Variants in FYCO1 observed in about 807,000 individuals in gnomAD.
The protein encoded by FYCO1 is FYVE and coiled-coil domain-containing protein 1.
A neutral mutation model predicts 165.1 loss-of-function variants in FYCO1; 122 were observed. The observed-to-expected ratio is 0.74, with a 90% confidence interval of 0.64 to 0.86. The LOEUF (loss-of-function observed/expected upper bound fraction) is 0.86. FYCO1 is among the 40% of genes least tolerant of loss of function. The pLI is 0.00. For missense variants in FYCO1, 1,702 were observed against 1,810.3 expected (o/e 0.94, Z 1.09); for synonymous variants, 648 against 742.5 (o/e 0.87, Z 2.07).
At chr3:45,977,541 A>AT (rs1203352838) in intron 4 of FYCO1, among the ~76,000 whole-genome samples, 1 of 151,098 alleles carries the variant, frequency 6.6e-6, no homozygotes. Context: ...TAATTCCTTA[A>AT]TTTTTTTTAG....
At chr3:45,981,538 G>T in intron 3 of FYCO1, 32 bp downstream of exon 3, 3 of 1,324,312 alleles carry the variant, frequency 2.3e-6, no homozygotes, top group Non-Finnish European at 3.3e-6. Context: ...AGATACCAGT[G>T]CAAAAATCAA....
At chr3:45,981,453 A>C in intron 3 of FYCO1, 117 bp downstream of exon 3, 1 of 726,646 alleles carries the variant, frequency 1.4e-6, no homozygotes, top group Non-Finnish European at 2.5e-6. Flanking sequence ...CAATCTAACC[A>C]CGAGGGCTTA....
chr3:45,993,149 C>G lies in FYCO1; in HGVS notation c.-113+2573G>C, dbSNP rs544850631. ...AGAACCACACTGATGTACACATCCT[C>G]CAAATGGCATCCGGCCTAATGAGAA... On this transcript the variant is annotated intron_variant, in intron 1 of 17. Coordinates refer to ENST00000296137, the MANE Select transcript of FYCO1 (RefSeq NM_024513.4). The surrounding 1 kb of genome is among the most constrained non-coding windows in gnomAD (Gnocchi z 4.4). 1.1e-3 allele frequency among the ~76,000 whole-genome samples: 168 copies of G among 152,272 alleles called. No homozygotes were observed. Among genetic ancestry groups the G allele is most frequent in the Middle Eastern group, 3.4e-3 (1 of 294 alleles).
At chr3:45,982,074 T>C (rs962950929) in intron 2 of FYCO1, among the ~76,000 whole-genome samples, 2 of 152,220 alleles carry the variant, frequency 1.3e-5, no homozygotes, top group African/African-American at 4.8e-5. Context: ...CTACTGCTCA[T>C]TATAGGTAAG....
chr3:45,936,492 C>T lies in FYCO1; in HGVS notation c.3996G>A (p.Val1332=), dbSNP rs1455378359. Residue 1332 remains valine (V), a synonymous_variant, in exon 15 of 18, where the codon GTG becomes GTA. Transcript: ENST00000296137. The part of the protein sequence containing the change: ...LTPEDTEDMP[V]GQDSEICLLK... ...GCAGGCAGATTTCCGAATCCTGCCC[C>T]ACGGGCATGTCTTCAGTGTCCTCAG... is the stretch of plus-strand genomic sequence containing the variant. 2.5e-6 allele frequency: 4 copies of T among 1,614,070 alleles called. No individual in the cohort carries two copies. The highest frequency in any genetic ancestry group is 3.4e-6 in the Non-Finnish European group (4 of 1,179,918).
chr3:45,967,942 C>A lies in FYCO1; in HGVS notation c.1392G>T (p.Gln464His), dbSNP rs1706187821. ...GCCGTCGCCAGAGCTGGTCTGCCTC[C>A]TGTCCCTTCCCAGACAACTCCTCCT... ...PLQEELSGKG[Q>H]EADQLWRRLQ... The change falls in exon 8 of 18, where the codon CAG (glutamine) becomes CAT (histidine). Residue 464 changes from glutamine (Q) to histidine (H), a missense_variant. Transcript: ENST00000296137. 1 of 1,614,168 alleles carries A rather than the reference C, an allele frequency of 6.2e-7. No individual in the cohort carries two copies. Among genetic ancestry groups the A allele is most frequent in the Non-Finnish European group, 8.5e-7 (1 of 1,180,028 alleles).
In FYCO1 at chr3:45,967,870, T is replaced by A. The variant is rs886058569; in HGVS notation, c.1464A>T (p.Ala488=). The A allele has an allele frequency of 6.2e-7, 1 of 1,614,142 alleles. No individual in the cohort carries two copies. The highest frequency in any genetic ancestry group is 8.5e-7 in the Non-Finnish European group (1 of 1,180,024). The change falls in exon 8 of 18, where the codon GCA becomes GCT. Residue 488 remains alanine, a synonymous_variant. Coordinates refer to ENST00000296137, the MANE Select transcript of FYCO1 (RefSeq NM_024513.4). ...GCTGTTTTTTCTCCCGCCTCAACTC[T>A]GCTAGCTCCTCCTCCCAGGAGCTCG... ...AHTSSWEEEL[A]ELRREKKQQQ...
chr3:45,964,366 T>C lies in FYCO1; in HGVS notation c.3239A>G (p.Glu1080Gly). The C allele has an allele frequency of 2.5e-6, 4 of 1,614,138 alleles. No homozygotes were observed. Among genetic ancestry groups the C allele is most frequent in the Non-Finnish European group, 3.4e-6 (4 of 1,179,970 alleles). Residue 1080 changes from glutamate (E) to glycine (G), a missense_variant, in exon 10 of 18, where the codon GAG (glutamate) becomes GGG (glycine). Glu to Gly is a moderately conservative substitution (Grantham distance 98). Transcript: ENST00000296137. This position sits in a 1 kb window ranked among gnomAD's most constrained non-coding sequence, Gnocchi z 4.1. ...TAGGTCTTCACGCAGGGCAGCCCCC[T>C]CCTTGTCCTTCCTCAGCATGGCCGC... is the stretch of plus-strand genomic sequence containing the variant. ...CQAAMLRKDKEGAALREDLER... is the reference protein window; with the variant it reads ...CQAAMLRKDKGGAALREDLER...
intron 14 of FYCO1, among the ~76,000 whole-genome samples, chr3:45,942,536 A>G (rs1226359629): frequency 2.6e-5 from 4 of 152,118 alleles, no homozygotes; most frequent in African/African-American, 9.7e-5. Flanking sequence ...CAGGCCAGGC[A>G]CCTCCACAAG....
intron 3 of FYCO1, 106 bp downstream of exon 3, chr3:45,981,464 C>T: frequency 1.3e-6 from 1 of 760,752 alleles, no homozygotes; most frequent in East Asian, 2.7e-5. Flanking sequence ...CGAGGGCTTA[C>T]TGGCTCCTTG....
chr3:45,938,167 C>A, intron 14 of FYCO1: 1 of 1,263,774 alleles, frequency 7.9e-7, no homozygotes, highest in Non-Finnish European at 1.0e-6. Flanking sequence ...CCTCCCTGAC[C>A]ACAGTGATGA....
intron 6 of FYCO1, 134 bp from the exon 7 acceptor site, chr3:45,969,899 A>ATTCTTTCTT (rs1706322765): frequency 1.6e-6 from 1 of 635,882 alleles, no homozygotes; most frequent in Non-Finnish European, 2.8e-6. Flanking sequence ...AGTCAAAGCC[A>ATTCTTTCTT]ACAGATTCCA....
At chr3:45,959,149 C>T (rs775251226) in intron 12 of FYCO1, among the ~76,000 whole-genome samples, 3 of 152,196 alleles carry the variant, frequency 2.0e-5, no homozygotes, top group South Asian at 2.1e-4. Context: ...CCCATCCCTG[C>T]GGGGCCCCCT....
At chr3:45,955,474 G>T in intron 13 of FYCO1, 81 bp from the exon 14 acceptor site, 2 of 1,505,858 alleles carry the variant, frequency 1.3e-6, no homozygotes, top group Non-Finnish European at 1.8e-6. Context: ...TTGGGAAAGT[G>T]AGAGAGTGCA....
intron 15 of FYCO1, among the ~76,000 whole-genome samples, chr3:45,935,847 C>A (rs777049511): frequency 1.2e-4 from 18 of 152,128 alleles, no homozygotes; most frequent in Non-Finnish European, 2.4e-4. Context: ...GTACCTGGCA[C>A]ATTGTGATAA....
rs533221049 is a variant in FYCO1 at position 45,933,968 on chromosome 3, A to G, written c.4040+2480T>C. On this transcript the variant is annotated intron_variant, in intron 15 of 17. Transcript: ENST00000296137. Reference sequence around the variant, plus strand: ...AAAAAGTACCAAATGGAAATTTTAGAACTAAATAATTACAATAACCAAAAT... The same window carrying G: ...AAAAAGTACCAAATGGAAATTTTAGGACTAAATAATTACAATAACCAAAAT... Among the ~76,000 whole-genome samples the G allele has an allele frequency of 4.6e-5, 7 of 152,104 alleles. No homozygotes were observed. In the South Asian group the frequency reaches 1.5e-3, roughly 32 times the overall value.
At chr3:45,981,276 C>T (rs1021394468) in intron 3 of FYCO1, among the ~76,000 whole-genome samples, 3 of 152,198 alleles carry the variant, frequency 2.0e-5, no homozygotes, top group Admixed American at 2.0e-4. Context: ...GTAACTGTCC[C>T]AAAGTTAAGA....
intron 14 of FYCO1, chr3:45,946,499 C>A: frequency 6.2e-7 from 1 of 1,613,476 alleles, no homozygotes; most frequent in South Asian, 1.1e-5. Flanking sequence ...AGCATGATTA[C>A]CATGAAGACT....
chr3:45,965,487 GA>G (rs1384376547), intron 8 of FYCO1, among the ~76,000 whole-genome samples: 1 of 152,188 alleles, frequency 6.6e-6, no homozygotes, highest in Admixed American at 6.5e-5. Flanking sequence ...CCTTGATGCA[GA>G]CAGACTAGTG....
Sources: allele counts gnomAD v4.1 joint callset (sites outside exome capture counted in the v4.1 genomes callset), GRCh38; gene constraint gnomAD v4.1.1; non-coding constraint Gnocchi (gnomAD v3.1); transcripts MANE v1.5; gene names NCBI Gene and HGNC (gene_info 2026-07-23, HGNC 2026-07-21).